The following EEIG1 variants were observed in gnomAD, a reference collection of about 807,000 sequenced individuals.
The protein encoded by EEIG1 is early estrogen-induced gene 1 protein.
At chr9:127,953,876 CGAA>C in the EEIG1 span, 1 of 1,613,890 alleles carries the variant, frequency 6.2e-7, no homozygotes, top group Non-Finnish European at 8.5e-7. Flanking sequence ...ATCTTACACA[CGAA>C]GGTGAACCTC....
At chr9:127,945,696 C>G in the EEIG1 span, 3 of 1,592,832 alleles carry the variant, frequency 1.9e-6, no homozygotes, top group South Asian at 2.3e-5. The surrounding 1 kb of genome is among the most constrained non-coding windows in gnomAD (Gnocchi z 6.5). Flanking sequence ...GCGGGAGTGG[C>G]CAGAGTGGAA....
the EEIG1 span, chr9:127,950,791 C>A: frequency 1.9e-6 from 2 of 1,046,720 alleles, no homozygotes; most frequent in East Asian, 3.8e-5. Context: ...CACGTCCCGG[C>A]GTGCACCGGG....
the EEIG1 span, chr9:127,945,846 C>G: frequency 1.2e-6 from 1 of 821,220 alleles, no homozygotes; most frequent in African/African-American, 1.7e-5. The surrounding 1 kb of genome is among the most constrained non-coding windows in gnomAD (Gnocchi z 6.5). Flanking sequence ...CAGAGCCTCC[C>G]ATGGCAGGGC....
At chr9:127,957,549 T>C in the EEIG1 span, among the ~76,000 whole-genome samples, 2 of 152,186 alleles carry the variant, frequency 1.3e-5, no homozygotes, top group African/African-American at 4.8e-5. Flanking sequence ...CTAAAATTCA[T>C]CACAATCCCT....
At chr9:127,972,431 C>G in the EEIG1 span, among the ~76,000 whole-genome samples, 1 of 152,226 alleles carries the variant, frequency 6.6e-6, no homozygotes, top group Non-Finnish European at 1.5e-5. The surrounding 1 kb of genome is among the most constrained non-coding windows in gnomAD (Gnocchi z 4.3). Flanking sequence ...CACAGGAGGA[C>G]AGACTGTAAG....
chr9:127,946,954 G>A, the EEIG1 span, among the ~76,000 whole-genome samples: 1 of 152,136 alleles, frequency 6.6e-6, no homozygotes, highest in African/African-American at 2.4e-5. Flanking sequence ...ACCTCTGGGG[G>A]CCCTGCTTAG....
chr9:127,955,861 C>G, the EEIG1 span, among the ~76,000 whole-genome samples: 1 of 152,220 alleles, frequency 6.6e-6, no homozygotes, highest in African/African-American at 2.4e-5. Flanking sequence ...GTCAAGAGGG[C>G]AGGCAGACCT....
At chr9:127,967,298 A>G in the EEIG1 span, among the ~76,000 whole-genome samples, 1 of 152,146 alleles carries the variant, frequency 6.6e-6, no homozygotes, top group South Asian at 2.1e-4. Flanking sequence ...CATGTCAGGC[A>G]CCGAGCCAAG....
the EEIG1 span, among the ~76,000 whole-genome samples, chr9:127,951,597 C>T: frequency 2.8e-4 from 42 of 152,032 alleles, no homozygotes; most frequent in African/African-American, 8.7e-4. Context: ...AGGCGGATCA[C>T]GAGGTCAGGA....
chr9:127,965,106 C>CAAAAAAAAAAAAAAAAAA, the EEIG1 span, among the ~76,000 whole-genome samples: 1 of 69,724 alleles, frequency 1.4e-5, no homozygotes, highest in African/African-American at 5.6e-5. Flanking sequence ...AAGACTGTCT[C>CAAAAAAAAAAAAAAAAAA]AAAAAAAAAA....
the EEIG1 span, among the ~76,000 whole-genome samples, chr9:127,961,322 T>A: frequency 6.6e-6 from 1 of 151,576 alleles, no homozygotes; most frequent in Non-Finnish European, 1.5e-5. Flanking sequence ...GGGGCAGGGA[T>A]CATGGTGGGA....
the EEIG1 span, among the ~76,000 whole-genome samples, chr9:127,975,302 T>C: frequency 1.2e-3 from 188 of 152,210 alleles, 1 homozygote; most frequent in African/African-American, 4.3e-3. Flanking sequence ...GCAGGCAGCA[T>C]CTTTGTGGTG....
the EEIG1 span, chr9:127,941,226 CCTT>C: frequency 1.3e-5 from 2 of 152,250 alleles, no homozygotes; most frequent in Admixed American, 6.5e-5. Context: ...GGCTCTGTCT[CCTT>C]CTGGGGTTCC....
chr9:127,974,466 G>C, the EEIG1 span, among the ~76,000 whole-genome samples: 2 of 152,170 alleles, frequency 1.3e-5, no homozygotes. Context: ...GGCTTATCCC[G>C]ATCTCTTTCC....
chr9:127,973,558 C>T, the EEIG1 span, among the ~76,000 whole-genome samples: 22 of 152,310 alleles, frequency 1.4e-4, no homozygotes, highest in Non-Finnish European at 2.8e-4. This position sits in a 1 kb window ranked among gnomAD's most constrained non-coding sequence, Gnocchi z 4.2. Context: ...CACCTGCCAA[C>T]AGTGCAGCCA....
the EEIG1 span, chr9:127,945,473 G>C: frequency 6.4e-7 from 1 of 1,565,562 alleles, no homozygotes; most frequent in Non-Finnish European, 8.6e-7. This position sits in a 1 kb window ranked among gnomAD's most constrained non-coding sequence, Gnocchi z 6.5. Context: ...GTCATGCCAA[G>C]GCCCCCAGAG....
At chr9:127,943,325 A>G in the EEIG1 span, 5 of 1,325,638 alleles carry the variant, frequency 3.8e-6, no homozygotes, top group Non-Finnish European at 5.4e-6. Flanking sequence ...GGTGTTTCAC[A>G]AGCAGGTACT....
At chr9:127,951,386 G>A in the EEIG1 span, among the ~76,000 whole-genome samples, 2 of 152,186 alleles carry the variant, frequency 1.3e-5, no homozygotes, top group East Asian at 1.9e-4. Flanking sequence ...GAACCAATCA[G>A]GGATGAGTGT....
chr9:127,977,529 C>T, the EEIG1 span, among the ~76,000 whole-genome samples: 1 of 152,204 alleles, frequency 6.6e-6, no homozygotes, highest in Non-Finnish European at 1.5e-5. Context: ...ACACAGGCCC[C>T]CTGCTGACTG....
Sources: allele counts gnomAD v4.1 joint callset (sites outside exome capture counted in the v4.1 genomes callset), GRCh38; gene constraint gnomAD v4.1.1; non-coding constraint Gnocchi (gnomAD v3.1); transcripts MANE v1.5; gene names NCBI Gene and HGNC (gene_info 2026-07-23, HGNC 2026-07-21).